Variants in TRIM43 observed in about 807,000 individuals in gnomAD.
TRIM43 encodes the protein tripartite motif-containing protein 43.
In TRIM43, 12 loss-of-function variants were observed where a neutral mutation model predicts 27.7. The observed-to-expected ratio is 0.43, with a 90% CI of 0.28 to 0.70. The LOEUF (loss-of-function observed/expected upper bound fraction) is 0.70, where lower values mean the gene tolerates loss of function less well. TRIM43 is among the 30% of genes least tolerant of loss of function. The probability of loss-of-function intolerance (pLI) is 0.17; values close to 1 mark genes in which losing one functional copy is unlikely to be tolerated. For synonymous variants in TRIM43, 64 were observed against 121.9 expected, an observed-to-expected ratio of 0.52 and a Z score of 3.13; for missense variants, 186 against 356.5, an observed-to-expected ratio of 0.52 and a Z score of 3.85.
At chr2:95,592,543 A>ATT (rs1403354024) in intron 1 of TRIM43, among the ~76,000 whole-genome samples, 1 of 148,936 alleles carries the variant, frequency 6.7e-6, no homozygotes, top group African/African-American at 2.5e-5. Context: ...TAATTTTTGT[A>ATT]TTTTTTTTTA....
intron 2 of TRIM43, 47 bp downstream of exon 2, chr2:95,594,481 T>C: frequency 6.3e-7 from 1 of 1,595,670 alleles, no homozygotes; most frequent in African/African-American, 1.4e-5. Context: ...GGTGGCAGAG[T>C]TAAAGATATT....
At chr2:95,592,868 C>A (rs1685280703) in intron 1 of TRIM43, among the ~76,000 whole-genome samples, 1 of 150,882 alleles carries the variant, frequency 6.6e-6, no homozygotes, top group Non-Finnish European at 1.5e-5. Flanking sequence ...ATTTAAAACG[C>A]TGACTTACTG....
chr2:95,593,097 C>T (rs1007844160), intron 1 of TRIM43, among the ~76,000 whole-genome samples: 1 of 151,584 alleles, frequency 6.6e-6, no homozygotes, highest in African/African-American at 2.4e-5. Flanking sequence ...TAGGGATTCA[C>T]CATGTTAGCC....
intron 3 of TRIM43, 39 bp from the exon 4 acceptor site, chr2:95,596,163 G>A (rs566585677): frequency 6.2e-7 from 1 of 1,602,380 alleles, no homozygotes; most frequent in African/African-American, 1.4e-5. Flanking sequence ...GGTGGAAGTA[G>A]GCCTGGGTAT....
intron 1 of TRIM43, among the ~76,000 whole-genome samples, chr2:95,593,409 T>C (rs1184536115): frequency 6.6e-6 from 1 of 151,266 alleles, no homozygotes; most frequent in African/African-American, 2.4e-5. Context: ...TAAATTAACA[T>C]AGTAGCCTAG....
At chr2:95,592,641 G>T (rs1230678277) in intron 1 of TRIM43, among the ~76,000 whole-genome samples, 3 of 151,342 alleles carry the variant, frequency 2.0e-5, no homozygotes, top group Non-Finnish European at 4.4e-5. Flanking sequence ...AAAGTGTTGG[G>T]ATTACAGGCC....
chr2:95,592,573 A>G (rs1205655094), intron 1 of TRIM43, among the ~76,000 whole-genome samples: 2 of 151,228 alleles, frequency 1.3e-5, no homozygotes, highest in African/African-American at 2.4e-5. Context: ...GGATTTCACT[A>G]TGTTGGCCAG....
At chr2:95,595,838 A>G (rs1324649635) in intron 3 of TRIM43, among the ~76,000 whole-genome samples, 1 of 151,202 alleles carries the variant, frequency 6.6e-6, no homozygotes, top group African/African-American at 2.4e-5. Flanking sequence ...TCCTGATTAT[A>G]ATATACTAAA....
Position 95,595,117 on chromosome 2 carries a change from A to G in TRIM43, c.479A>G (p.Glu160Gly), listed in dbSNP as rs1178200174. 1 of 1,612,318 alleles carries G rather than the reference A, an allele frequency of 6.2e-7. No individual in the cohort carries two copies. ...KIQENQRNLY[E>G]EGRTAFLWRG... ...CAAGAAAATCAGAGAAATCTATATGAGGAGGGAAGAACAGCCTTCCTCTGG... is the reference window on the plus strand; with the variant it reads ...CAAGAAAATCAGAGAAATCTATATGGGGAGGGAAGAACAGCCTTCCTCTGG... Residue 160 changes from glutamate (E) to glycine (G), a missense_variant, in exon 3 of 7, where the codon GAG becomes GGG. By Grantham distance (98) the Glu-to-Gly change is moderately conservative (BLOSUM62 -2). This residue lies in a region of TRIM43 where 91 missense variants were observed against 119.3 expected (regional missense o/e 0.76). Transcript: ENST00000272395.
At chr2:95,593,909 T>C (rs1685304055) in intron 1 of TRIM43, 111 bp from the exon 2 acceptor site, 1 of 1,531,748 alleles carries the variant, frequency 6.5e-7, no homozygotes, top group Non-Finnish European at 8.7e-7. Context: ...TTAAAGCCTA[T>C]ACTTCTTTAG....
chr2:95,593,021 A>G (rs1291687665), intron 1 of TRIM43, among the ~76,000 whole-genome samples: 2 of 151,552 alleles, frequency 1.3e-5, no homozygotes, highest in South Asian at 2.1e-4. Context: ...CTCCGCCTCC[A>G]GAGTAGCTGG....
In TRIM43 at chr2:95,592,072, C is replaced by A. The variant is rs1685254004; in HGVS notation, c.-82C>A. 6.6e-6 allele frequency: 1 copy of A among 151,572 alleles called. No individual in the cohort carries two copies. The highest frequency in any genetic ancestry group is 1.5e-5 in the Non-Finnish European group (1 of 67,914). The allele number at this position is 151,572 out of a possible 1,614,324, so 9.4% of individuals were successfully genotyped here. On this transcript the variant is annotated 5_prime_UTR_variant, in exon 1 of 7. It adds an upstream start codon to the 5' untranslated region. Coordinates refer to ENST00000272395, the MANE Select transcript of TRIM43 (RefSeq NM_138800.3). ...ACTTCCGAAAGCTACCAGCACTGCA[C>A]TGTGAGACTCTCATCCCTGAGCTGA...
At chr2:95,595,580 G>C (rs1353242982) in intron 3 of TRIM43, among the ~76,000 whole-genome samples, 1 of 150,470 alleles carries the variant, frequency 6.6e-6, no homozygotes, top group Non-Finnish European at 1.5e-5. Flanking sequence ...AGTCCGAGTA[G>C]GAGAAAATGC....
chr2:95,592,905 T>C (rs1685282075), intron 1 of TRIM43, among the ~76,000 whole-genome samples: 1 of 151,564 alleles, frequency 6.6e-6, no homozygotes. Context: ...TGTTTTTTTT[T>C]TTTAGAGGGG....
intron 2 of TRIM43, 81 bp downstream of exon 2, chr2:95,594,515 G>A: frequency 1.3e-6 from 2 of 1,557,040 alleles, no homozygotes; most frequent in Non-Finnish European, 8.7e-7. Context: ...GAATCATGGT[G>A]ATTACTCCAT....
chr2:95,596,242 A>G lies in TRIM43; in HGVS notation c.548A>G (p.Tyr183Cys), dbSNP rs1685353252. The change falls in exon 4 of 7, where the codon TAT becomes TGT. Residue 183 changes from tyrosine (Y) to cysteine (C), a missense_variant. Transcript: ENST00000272395. ...CGGGCACAGATGATCAGGAATGAGT[A>G]TAGGAAGCTGCATCCGGTTCTCCAT... ...VLRAQMIRNE[Y>C]RKLHPVLHKE... The G allele has an allele frequency of 6.2e-7, 1 of 1,611,098 alleles. No individual in the cohort carries two copies. Among genetic ancestry groups the G allele is most frequent in the East Asian group, 2.2e-5 (1 of 44,800 alleles).
chr2:95,595,944 A>C (rs1685348945), intron 3 of TRIM43, among the ~76,000 whole-genome samples: 1 of 151,672 alleles, frequency 6.6e-6, no homozygotes, highest in Non-Finnish European at 1.5e-5. Context: ...ATTATCCATG[A>C]CAATGTAACA....
At position 95,592,168 on chromosome 2, in the gene TRIM43, G is replaced by T. The variant is rs888534859; in HGVS notation, c.-5+19G>T. ...TTCTGAGGTAAGTACACAATTTCCA[G>T]AGTAGGAGCTACTATTAGGAGCTAC... On this transcript the variant is annotated intron_variant, in intron 1 of 6. Coordinates refer to ENST00000272395, the MANE Select transcript of TRIM43 (RefSeq NM_138800.3). The T allele has an allele frequency of 1.3e-5, 2 of 151,844 alleles. No individual in the cohort carries two copies. Among genetic ancestry groups the T allele is most frequent in the Non-Finnish European group, 2.9e-5 (2 of 67,972 alleles). 9.4% of individuals were successfully genotyped at this position (151,844 alleles called of 1,614,324 possible). A position where few individuals can be genotyped will look rare whatever the true frequency, so the allele number is the denominator to read the frequency against.
Position 95,594,377 on chromosome 2 carries a change from T to A in TRIM43, c.354T>A (p.Ser118=). ...KSLLCLLCSN[S]QEHGAHKHHP... is the part of the protein sequence containing the mutation. ...TCCTCTGCTTGCTGTGCTCCAACTCTCAGGAGCACGGGGCTCACAAACACC... is the reference window on the plus strand; with the variant it reads ...TCCTCTGCTTGCTGTGCTCCAACTCACAGGAGCACGGGGCTCACAAACACC... Residue 118 remains serine (S), a synonymous_variant, in exon 2 of 7, where the codon TCT becomes TCA. Coordinates refer to ENST00000272395, the MANE Select transcript of TRIM43 (RefSeq NM_138800.3). 1 of 1,610,810 alleles carries A rather than the reference T, an allele frequency of 6.2e-7. No homozygotes were observed. Among genetic ancestry groups the A allele is most frequent in the Non-Finnish European group, 8.5e-7 (1 of 1,179,524 alleles).
Sources: gnomAD v4.1 joint callset for allele counts (sites outside exome capture counted in the v4.1 genomes callset) on GRCh38, gnomAD v4.1.1 for gene constraint, gnomAD v4.1.1 regional missense constraint, MANE v1.5 for transcripts, NCBI Gene and HGNC (gene_info 2026-07-23, HGNC 2026-07-21) for gene names.